CNTNAP2: variants seen among roughly 807,000 people sequenced by gnomAD.
CNTNAP2 encodes the protein contactin associated protein 2, also known as contactin-associated protein-like 2.
In CNTNAP2, 98 loss-of-function variants were observed where a neutral mutation model predicts 155.2. The ratio of observed to expected loss-of-function variants is 0.63; its 90% confidence interval spans 0.54 to 0.75. CNTNAP2 has a LOEUF of 0.75. CNTNAP2 is among the 30% of genes least tolerant of loss of function. The pLI is 0.00. For synonymous variants in CNTNAP2, 651 were observed against 631.2 expected (o/e 1.03, Z -0.47); for missense variants, 1,727 against 1,688.1 (o/e 1.02, Z -0.40).
At chr7:146,397,209 T>A (rs1275336700) in intron 1 of CNTNAP2, among the ~76,000 whole-genome samples, 3 of 152,216 alleles carry the variant, frequency 2.0e-5, no homozygotes, top group Non-Finnish European at 2.9e-5. Flanking sequence ...TTGATTGACA[T>A]GTCTACTTCC....
At chr7:147,902,970 T>G (rs919123108) in intron 13 of CNTNAP2, among the ~76,000 whole-genome samples, 1 of 152,030 alleles carries the variant, frequency 6.6e-6, no homozygotes, top group Non-Finnish European at 1.5e-5. Context: ...TAATGACTTC[T>G]TTTCCTCTGG....
chr7:146,465,562 T>C (rs1203306534), intron 1 of CNTNAP2, among the ~76,000 whole-genome samples: 1 of 152,182 alleles, frequency 6.6e-6, no homozygotes, highest in African/African-American at 2.4e-5. Flanking sequence ...GTTTGAATCA[T>C]CAAATCATAG....
At chr7:146,539,103 C>T (rs1394440204) in intron 1 of CNTNAP2, among the ~76,000 whole-genome samples, 1 of 152,078 alleles carries the variant, frequency 6.6e-6, no homozygotes, top group Non-Finnish European at 1.5e-5. Flanking sequence ...TTTCACATCT[C>T]TAAGTGTCAT....
chr7:146,872,507 AT>A (rs919515778), intron 3 of CNTNAP2, among the ~76,000 whole-genome samples: 1 of 152,164 alleles, frequency 6.6e-6, no homozygotes, highest in African/African-American at 2.4e-5. Context: ...CTACAAAGAC[AT>A]TGTCAGTTAT....
chr7:147,395,676 G>A lies in CNTNAP2; in HGVS notation c.1566G>A (p.Gln522=), dbSNP rs535454043. The change falls in exon 10 of 24, where the codon CAG becomes CAA. Residue 522 remains glutamine, a synonymous_variant. Transcript: ENST00000361727. Reference sequence around the variant, plus strand: ...AGCCTTCATTCCAAGGATGCATGCAGCTCATTCAAGTGGACGATCAACTTG... The same window carrying A: ...AGCCTTCATTCCAAGGATGCATGCAACTCATTCAAGTGGACGATCAACTTG... ...VLQPSFQGCM[Q]LIQVDDQLVN... The A allele has an allele frequency of 2.1e-4, 338 of 1,612,590 alleles. 5 individuals are homozygous for A. The South Asian group carries it at 3.5e-3, about 17-fold the overall frequency.
chr7:147,842,498 T>A (rs1265594425), intron 13 of CNTNAP2, among the ~76,000 whole-genome samples: 3 of 151,642 alleles, frequency 2.0e-5, no homozygotes, highest in Non-Finnish European at 2.9e-5. Context: ...GGGAAGAGAA[T>A]AATTTCAGCC....
At chr7:147,723,874 C>A (rs1397486553) in intron 13 of CNTNAP2, among the ~76,000 whole-genome samples, 2 of 151,920 alleles carry the variant, frequency 1.3e-5, no homozygotes, top group African/African-American at 4.8e-5. Flanking sequence ...TTTATTATTT[C>A]TTTGTGGTAA....
intron 3 of CNTNAP2, among the ~76,000 whole-genome samples, chr7:146,996,588 T>C (rs962463707): frequency 1.3e-5 from 2 of 152,202 alleles, no homozygotes; most frequent in South Asian, 4.1e-4. Context: ...TAAATGTGTT[T>C]GTTAGTTCCG....
intron 8 of CNTNAP2, among the ~76,000 whole-genome samples, chr7:147,229,047 A>ATG (rs1158216377): frequency 2.2e-5 from 3 of 136,546 alleles, no homozygotes; most frequent in Non-Finnish European, 3.1e-5. Flanking sequence ...TTCTTTATAT[A>ATG]TATATATATA....
intron 20 of CNTNAP2, among the ~76,000 whole-genome samples, chr7:148,254,609 A>C (rs138643200): frequency 6.6e-6 from 1 of 151,832 alleles, no homozygotes; most frequent in Non-Finnish European, 1.5e-5. Context: ...ACCCCGTCTC[A>C]ACTAAAAATA....
At chr7:146,848,639 A>T (rs1034924089) in intron 3 of CNTNAP2, among the ~76,000 whole-genome samples, 1 of 152,152 alleles carries the variant, frequency 6.6e-6, no homozygotes, top group African/African-American at 2.4e-5. Flanking sequence ...GGAGTTGGTC[A>T]CTCAGAGAAG....
intron 17 of CNTNAP2, among the ~76,000 whole-genome samples, chr7:148,165,305 C>A (rs1208693882): frequency 6.6e-6 from 1 of 152,094 alleles, no homozygotes; most frequent in East Asian, 1.9e-4. Flanking sequence ...TGGATTAGGT[C>A]TCACCTTTAT....
chr7:147,803,873 G>A (rs991179039), intron 13 of CNTNAP2, among the ~76,000 whole-genome samples: 1 of 152,166 alleles, frequency 6.6e-6, no homozygotes, highest in South Asian at 2.1e-4. Context: ...CCACAATGGG[G>A]AAACGAATCC....
chr7:147,298,036 A>G (rs535236860), intron 8 of CNTNAP2, among the ~76,000 whole-genome samples: 21 of 152,348 alleles, frequency 1.4e-4, no homozygotes, highest in South Asian at 6.2e-4. Context: ...TACTATTTAT[A>G]CATATATTCA....
In CNTNAP2 at chr7:146,725,470, GC is replaced by G. The variant is rs554751574; in HGVS notation, c.98-48798del. On this transcript the variant is annotated intron_variant, in intron 1 of 23. Coordinates refer to ENST00000361727, the MANE Select transcript of CNTNAP2 (RefSeq NM_014141.6). The stretch of plus-strand genomic sequence containing the variant: ...TTTAGTTTATAGTTAAATGATAATA[GC>G]CCTTCTCAACCACCTTTGTAAAGCT... Among the ~76,000 whole-genome samples the G allele has an allele frequency of 3.0e-3, 462 of 152,202 alleles. 1 individual carries two copies. Among genetic ancestry groups the G allele is most frequent in the African/African-American group, 0.011 (438 of 41,536 alleles).
At chr7:148,202,559 C>T (rs1345745065) in intron 18 of CNTNAP2, among the ~76,000 whole-genome samples, 1 of 152,070 alleles carries the variant, frequency 6.6e-6, no homozygotes, top group African/African-American at 2.4e-5. Flanking sequence ...ATTCTTTTGC[C>T]ACAGACGTGG....
intron 1 of CNTNAP2, among the ~76,000 whole-genome samples, chr7:146,144,417 G>T (rs1797927606): frequency 6.6e-6 from 1 of 152,144 alleles, no homozygotes; most frequent in South Asian, 2.1e-4. Context: ...CTCCAAAAGT[G>T]CTAGGATTAT....
At chr7:148,330,030 C>G (rs555297021) in intron 21 of CNTNAP2, among the ~76,000 whole-genome samples, 1 of 152,020 alleles carries the variant, frequency 6.6e-6, no homozygotes, top group Non-Finnish European at 1.5e-5. Context: ...CAGATTGAGA[C>G]ACAAATGGAT....
intron 13 of CNTNAP2, among the ~76,000 whole-genome samples, chr7:147,747,651 T>C (rs539822106): frequency 9.0e-4 from 137 of 152,336 alleles, no homozygotes; most frequent in African/African-American, 2.9e-3. Context: ...GTTCTAGTTT[T>C]AGTTTTTTGA....
Sources: gnomAD v4.1 joint callset for allele counts (sites outside exome capture counted in the v4.1 genomes callset) on GRCh38, gnomAD v4.1.1 for gene constraint, MANE v1.5 for transcripts, NCBI Gene and HGNC (gene_info 2026-07-23, HGNC 2026-07-21) for gene names.